Variants in RANBP10 observed in about 807,000 individuals in gnomAD.
The protein encoded by RANBP10 is RAN binding protein 10.
In RANBP10, 24 loss-of-function variants were observed where a neutral mutation model predicts 72.8. The ratio of observed to expected loss-of-function variants is 0.33; its 90% confidence interval spans 0.24 to 0.46. RANBP10 has a LOEUF of 0.46. RANBP10 is among the 20% of genes least tolerant of loss of function. The pLI is 1.00. For synonymous variants in RANBP10, 310 were observed against 322.3 expected (o/e 0.96, Z 0.41); for missense variants, 679 against 817.5 (o/e 0.83, Z 2.07).
rs1160482023 is a variant in RANBP10, at chr16:67,747,817, C to CTT, written c.401-3364_401-3363dup. On this transcript the variant is annotated intron_variant, in intron 3 of 13. Transcript: ENST00000317506. ...ATGGCGCTTGGCCTCATTTTCTTTT[C>CTT]TTTTTTTTTTTTTTTTTTTTTAAGA... is the stretch of plus-strand genomic sequence containing the variant. 1.3e-3 allele frequency among the ~76,000 whole-genome samples: 162 copies of CTT among 121,304 alleles called. 1 individual carries two copies. The East Asian group carries it at 0.02, about 15-fold the overall frequency. 79.6% of individuals were successfully genotyped at this position (121,304 alleles called of 152,430 possible). A position where few individuals can be genotyped will look rare whatever the true frequency, so the allele number is the denominator to read the frequency against.
chr16:67,726,237 A>T lies in RANBP10; in HGVS notation c.*191T>A. ...AGGCCGCTGCACGTGAAGGGGAGAG[A>T]GAGAGAGACTGAGCGGGGTGGTGGG... On this transcript the variant is annotated 3_prime_UTR_variant, in exon 14 of 14. Coordinates refer to ENST00000317506, the MANE Select transcript of RANBP10 (RefSeq NM_020850.3). 1.3e-6 allele frequency: 1 copy of T among 754,146 alleles called. No individual in the cohort carries two copies. Among genetic ancestry groups the T allele is most frequent in the Non-Finnish European group, 2.1e-6 (1 of 479,300 alleles). 46.7% of individuals were successfully genotyped at this position (754,146 alleles called of 1,614,324 possible). A position where few individuals can be genotyped will look rare whatever the true frequency, so the allele number is the denominator to read the frequency against.
intron 7 of RANBP10, 101 bp downstream of exon 7, chr16:67,731,371 G>T: frequency 2.0e-6 from 2 of 977,844 alleles, no homozygotes; most frequent in Non-Finnish European, 3.2e-6. Flanking sequence ...GAGGACCAGA[G>T]CTGAATGGAC....
intron 2 of RANBP10, among the ~76,000 whole-genome samples, chr16:67,780,249 C>T (rs13336189): frequency 1.3e-5 from 2 of 151,574 alleles, no homozygotes; most frequent in East Asian, 3.9e-4. Context: ...AACAAACAAA[C>T]AAAAAAACAC....
intron 2 of RANBP10, among the ~76,000 whole-genome samples, chr16:67,787,467 C>T (rs957821034): frequency 1.3e-5 from 2 of 152,234 alleles, no homozygotes; most frequent in South Asian, 2.1e-4. Flanking sequence ...TGGAAAAGTT[C>T]GGTAGTTACC....
Position 67,799,547 on chromosome 16 carries a change from A to G in RANBP10, c.347+5881T>C, listed in dbSNP as rs185274827. On this transcript the variant is annotated intron_variant, in intron 2 of 13. Transcript: ENST00000317506. ...CGTGATCCGCCCGCCTTGGCCTCCC[A>G]AAGTGCCGGGAATACAGGTGTGAGC... Among the ~76,000 whole-genome samples, 69 of 152,164 alleles carry G rather than the reference A, an allele frequency of 4.5e-4. No individual in the cohort carries two copies. The East Asian group carries it at 0.013, about 29-fold the overall frequency.
At chr16:67,760,230 TA>T (rs1209343867) in intron 3 of RANBP10, among the ~76,000 whole-genome samples, 2 of 152,224 alleles carry the variant, frequency 1.3e-5, no homozygotes, top group East Asian at 3.8e-4. Flanking sequence ...GCTGTACTCT[TA>T]GGAGGACAGG....
intron 2 of RANBP10, among the ~76,000 whole-genome samples, chr16:67,793,993 C>A (rs1219694005): frequency 6.6e-6 from 1 of 152,114 alleles, no homozygotes; most frequent in African/African-American, 2.4e-5. Context: ...AATCCTCCTG[C>A]CTCAGCCTCC....
chr16:67,744,776 G>A (rs192604844), intron 3 of RANBP10, among the ~76,000 whole-genome samples: 1 of 152,350 alleles, frequency 6.6e-6, no homozygotes, highest in East Asian at 1.9e-4. Flanking sequence ...GAAGGAGTGG[G>A]AGCTGGAAGT....
At chr16:67,767,454 CAAAA>C (rs1178049394) in intron 3 of RANBP10, among the ~76,000 whole-genome samples, 12 of 64,072 alleles carry the variant, frequency 1.9e-4, no homozygotes, top group African/African-American at 4.8e-4. Context: ...GACCCTGTTT[CAAAA>C]AAAAAAAAAA....
intron 3 of RANBP10, among the ~76,000 whole-genome samples, chr16:67,749,702 C>A (rs1249693954): frequency 6.6e-6 from 1 of 152,204 alleles, no homozygotes; most frequent in Non-Finnish European, 1.5e-5. Context: ...CCATTCCCCA[C>A]CAGAGGCAGG....
chr16:67,728,688 G>T, intron 10 of RANBP10, 177 bp from the exon 11 acceptor site: 1 of 1,192,398 alleles, frequency 8.4e-7, no homozygotes, highest in Non-Finnish European at 1.2e-6. Flanking sequence ...TGTGACACCA[G>T]CTATCCTCAG....
At chr16:67,774,268 T>C (rs1431004350) in intron 2 of RANBP10, among the ~76,000 whole-genome samples, 1 of 152,224 alleles carries the variant, frequency 6.6e-6, no homozygotes, top group Non-Finnish European at 1.5e-5. Context: ...ATAGGCTTCC[T>C]GACACTAGGT....
intron 4 of RANBP10, 89 bp downstream of exon 4, chr16:67,744,199 C>G: frequency 1.3e-6 from 2 of 1,533,752 alleles, no homozygotes; most frequent in Non-Finnish European, 1.8e-6. Context: ...TCAGCAGAGG[C>G]GACACTGCCT....
At chr16:67,751,184 T>G (rs1046957106) in intron 3 of RANBP10, among the ~76,000 whole-genome samples, 1 of 152,228 alleles carries the variant, frequency 6.6e-6, no homozygotes, top group Non-Finnish European at 1.5e-5. Flanking sequence ...AGTCAGTGAT[T>G]CAAGGATATT....
intron 3 of RANBP10, among the ~76,000 whole-genome samples, chr16:67,767,119 T>C (rs1349484456): frequency 1.3e-5 from 2 of 152,142 alleles, no homozygotes; most frequent in African/African-American, 4.8e-5. Context: ...ACATGACCAG[T>C]AGCTGGCTTC....
At chr16:67,728,015 G>T in intron 11 of RANBP10, 119 bp from the exon 12 acceptor site, 1 of 1,095,922 alleles carries the variant, frequency 9.1e-7, no homozygotes, top group Non-Finnish European at 1.3e-6. Flanking sequence ...AGGCAGGGCT[G>T]GGAGGAACAG....
intron 2 of RANBP10, among the ~76,000 whole-genome samples, chr16:67,785,765 C>T (rs752554831): frequency 8.0e-6 from 1 of 124,810 alleles, no homozygotes; most frequent in African/African-American, 3.5e-5. Context: ...CAGTGGCTCA[C>T]GCCTATAATC....
At chr16:67,765,659 A>AC (rs2054487929) in intron 3 of RANBP10, among the ~76,000 whole-genome samples, 1 of 151,448 alleles carries the variant, frequency 6.6e-6, no homozygotes, top group African/African-American at 2.4e-5. Flanking sequence ...ACACGGTGAG[A>AC]CCCCATCTCT....
chr16:67,805,932 G>A (rs749162583), intron 1 of RANBP10, among the ~76,000 whole-genome samples: 53 of 152,240 alleles, frequency 3.5e-4, no homozygotes, highest in Non-Finnish European at 7.1e-4. Context: ...TGCCTGGCAG[G>A]TGGGGAAGCC....
Sources: gnomAD v4.1 joint callset for allele counts (sites outside exome capture counted in the v4.1 genomes callset) on GRCh38, gnomAD v4.1.1 for gene constraint, MANE v1.5 for transcripts, NCBI Gene and HGNC (gene_info 2026-07-23, HGNC 2026-07-21) for gene names.